OVCH1: variants seen among roughly 807,000 people sequenced by gnomAD.
OVCH1 encodes the protein ovochymase 1.
OVCH1 carries 139 observed loss-of-function variants against 138.4 expected under a neutral mutation model. The ratio of observed to expected loss-of-function variants is 1.00; its 90% CI spans 0.87 to 1.16. The LOEUF (loss-of-function observed/expected upper bound fraction) is 1.16. Ranked by LOEUF, OVCH1 falls within the 50% of genes most tolerant of loss-of-function variation. The pLI, the probability that OVCH1 is intolerant of heterozygous loss-of-function variation, is 0.00. For synonymous variants in OVCH1, 453 were observed against 467.8 expected (o/e 0.97, Z 0.41); for missense variants, 1,367 against 1,357.9 (o/e 1.01, Z -0.11).
chr12:29,424,788 A>G (rs1255870486), downstream of OVCH1, among the ~76,000 whole-genome samples: 1 of 152,234 alleles, frequency 6.6e-6, no homozygotes, highest in Middle Eastern at 3.2e-3. Context: ...CAGTATTCTC[A>G]TCTGCAAAAT....
chr12:29,438,071 G>A (rs1941397456), intron 26 of OVCH1, among the ~76,000 whole-genome samples: 1 of 152,086 alleles, frequency 6.6e-6, no homozygotes, highest in Non-Finnish European at 1.5e-5. Flanking sequence ...AATTACACAG[G>A]AACTTATTAA....
intron 27 of OVCH1, among the ~76,000 whole-genome samples, chr12:29,427,850 C>A (rs188080505): frequency 6.6e-6 from 1 of 152,132 alleles, no homozygotes. Flanking sequence ...ATGCAAATCC[C>A]TTCACTGTTA....
chr12:29,417,789 G>GTGTGTGTGTGTC (rs1555140773), intron 3 of OVCH1, among the ~76,000 whole-genome samples: 10 of 150,268 alleles, frequency 6.7e-5, no homozygotes, highest in African/African-American at 2.2e-4. Context: ...GTGTGTGTGT[G>GTGTGTGTGTGTC]TGTGTCTGTG....
At chr12:29,427,873 C>T (rs148214852) in intron 27 of OVCH1, among the ~76,000 whole-genome samples, 8 of 152,316 alleles carry the variant, frequency 5.3e-5, no homozygotes, top group African/African-American at 1.9e-4. Context: ...TAGAATTACA[C>T]AGGCTCATTA....
the OVCH1 span, among the ~76,000 whole-genome samples, chr12:29,404,881 G>A: frequency 1.3e-5 from 2 of 151,862 alleles, no homozygotes; most frequent in South Asian, 2.1e-4. Flanking sequence ...AATTAGCTGG[G>A]TGTGGTGGTG....
At chr12:29,433,805 A>C in exon 27 of OVCH1, 1 of 1,409,710 alleles carries the variant, frequency 7.1e-7, no homozygotes, top group South Asian at 1.4e-5. Context: ...CACTTCTTAC[A>C]TTATCATACT....
rs1222936530 is a variant in OVCH1, at chr12:29,460,703, TA to T, written c.2280+1150del. On this transcript the variant is annotated intron_variant, in intron 19 of 27. Coordinates refer to ENST00000318184, the Ensembl canonical transcript of OVCH1. ...CTGAGTTTCCTGCAGGATTAAGCAT[TA>T]GGCCCTCACTATGGCAGATGGCTTA... 3.9e-5 allele frequency among the ~76,000 whole-genome samples: 6 copies of T among 152,164 alleles called. No homozygotes were observed. In the East Asian group the frequency reaches 1.2e-3, roughly 29 times the overall value.
intron 3 of OVCH1, among the ~76,000 whole-genome samples, chr12:29,417,460 CAAAA>C (rs759067203): frequency 4.9e-5 from 3 of 60,742 alleles, no homozygotes; most frequent in East Asian, 5.1e-4. Flanking sequence ...CACTCCGTCT[CAAAA>C]AAAAAAAAAA....
chr12:29,427,490 G>C (rs910583601), downstream of OVCH1: 18 of 1,531,746 alleles, frequency 1.2e-5, no homozygotes, highest in Non-Finnish European at 1.5e-5. Context: ...TTGAATGATT[G>C]AGGACGTGAA....
At chr12:29,468,789 A>G (rs1336569571) in intron 16 of OVCH1, among the ~76,000 whole-genome samples, 1 of 152,180 alleles carries the variant, frequency 6.6e-6, no homozygotes, top group Non-Finnish European at 1.5e-5. Flanking sequence ...ATATATTTAT[A>G]TACATGGGTG....
chr12:29,431,632 T>C (rs1414356237), intron 27 of OVCH1, among the ~76,000 whole-genome samples: 1 of 152,196 alleles, frequency 6.6e-6, no homozygotes, highest in Admixed American at 6.5e-5. Flanking sequence ...TTATAATGGC[T>C]CTATATTTCT....
chr12:29,486,405 ATTT>A, intron 7 of OVCH1, 57 bp from the exon 8 acceptor site: 1 of 1,311,816 alleles, frequency 7.6e-7, no homozygotes, highest in Non-Finnish European at 1.1e-6. Flanking sequence ...TAAATAAAAC[ATTT>A]TTAACAATGT....
chr12:29,451,020 G>T (rs1366106088), intron 22 of OVCH1, among the ~76,000 whole-genome samples: 2 of 150,360 alleles, frequency 1.3e-5, no homozygotes, highest in African/African-American at 4.9e-5. Flanking sequence ...CTGTTGGGGG[G>T]TGGGGGGCTA....
chr12:29,489,682 G>A lies in OVCH1; in HGVS notation c.640C>T (p.Pro214Ser), dbSNP rs1464213841. The A allele has an allele frequency of 2.5e-6, 4 of 1,609,886 alleles. No individual in the cohort carries two copies. In the South Asian group the frequency reaches 3.3e-5, roughly 13 times the overall value. ...CACAGCATGGTCCTTCCCAGGGGAG[G>A]GAGGTTCATGCTCTTGAGCACAGTA... Residue 214 changes from proline to serine, a missense_variant, in exon 6 of 28, where the codon CCT becomes TCT. Coordinates refer to ENST00000318184, the Ensembl canonical transcript of OVCH1.
Position 29,447,019 on chromosome 12 carries a change from G to A in OVCH1, c.2756-1616C>T, listed in dbSNP as rs1018254801. Reference sequence around the variant, plus strand: ...TAAGCATTAGGAATAAATGACAAAGGAAAGCATTAAGAATAAACTTATAAC... The same window carrying A: ...TAAGCATTAGGAATAAATGACAAAGAAAAGCATTAAGAATAAACTTATAAC... On this transcript the variant is annotated intron_variant, in intron 22 of 27. Transcript: ENST00000318184. 2.6e-5 allele frequency among the ~76,000 whole-genome samples: 4 copies of A among 151,846 alleles called. No individual in the cohort carries two copies. In the South Asian group the frequency reaches 8.3e-4, roughly 32 times the overall value.
At chr12:29,478,747 C>A in intron 9 of OVCH1, 88 bp downstream of exon 10, 1 of 915,534 alleles carries the variant, frequency 1.1e-6, no homozygotes, top group Non-Finnish European at 1.5e-6. Context: ...GGCAGAGCAG[C>A]CAGAAATTTT....
downstream of OVCH1, among the ~76,000 whole-genome samples, chr12:29,422,606 G>A (rs1941121226): frequency 6.6e-6 from 1 of 152,190 alleles, no homozygotes. Flanking sequence ...ATCAGTGGGA[G>A]CATAAACTAA....
chr12:29,478,590 A>C (rs1447617448), intron 9 of OVCH1, among the ~76,000 whole-genome samples: 1 of 152,104 alleles, frequency 6.6e-6, no homozygotes, highest in African/African-American at 2.4e-5. Flanking sequence ...CCCTCCCCTT[A>C]ACCCTTCTAG....
chr12:29,461,940 T>C lies in OVCH1; in HGVS notation c.2194A>G (p.Thr732Ala), dbSNP rs758087927. The change falls in exon 19 of 28, where the codon ACT (threonine) becomes GCT (alanine). Residue 732 changes from threonine to alanine, a missense_variant. Transcript: ENST00000318184. ...CCTCCTGGATGGGCAGAATAGTAAG[T>C]GTGTTCACAGACCTCTCTTTCTAAC... 1.0e-4 allele frequency: 165 copies of C among 1,613,762 alleles called. 3 individuals are homozygous for C. In the Admixed American group the frequency reaches 2.7e-3, roughly 26 times the overall value.
Sources: gnomAD v4.1 joint callset for allele counts (sites outside exome capture counted in the v4.1 genomes callset) on GRCh38, gnomAD v4.1.1 for gene constraint, MANE v1.5 for transcripts, NCBI Gene and HGNC (gene_info 2026-07-23, HGNC 2026-07-21) for gene names.